Variants in POU6F2 observed in about 807,000 individuals in gnomAD.
POU6F2 encodes the protein POU class 6 homeobox 2, also known as POU domain, class 6, transcription factor 2.
A neutral mutation model predicts 71.3 loss-of-function variants in POU6F2; 31 were observed. The observed-to-expected ratio is 0.43, with a 90% CI of 0.33 to 0.59. POU6F2 has a LOEUF of 0.59. Ranked by LOEUF, POU6F2 falls within the 20% of genes least tolerant of loss-of-function variation. The probability of loss-of-function intolerance (pLI) is 0.04; values close to 1 mark genes in which losing one functional copy is unlikely to be tolerated. For missense variants in POU6F2, 783 were observed against 856.8 expected, an observed-to-expected ratio of 0.91 and a Z score of 1.07; for synonymous variants, 347 against 355.7, an observed-to-expected ratio of 0.98 and a Z score of 0.27.
intron 4 of POU6F2, among the ~76,000 whole-genome samples, chr7:39,246,512 G>A (rs1783823951): frequency 6.6e-6 from 1 of 152,156 alleles, no homozygotes; most frequent in South Asian, 2.1e-4. Context: ...TCTGGCATCA[G>A]GTGTCAACCC....
At chr7:39,427,450 A>G (rs1466096195) in intron 6 of POU6F2, among the ~76,000 whole-genome samples, 3 of 152,000 alleles carry the variant, frequency 2.0e-5, no homozygotes, top group African/African-American at 7.3e-5. Flanking sequence ...TGTTTTTATT[A>G]TTGTTATTGC....
At chr7:39,271,981 GT>G (rs1784348091) in intron 4 of POU6F2, among the ~76,000 whole-genome samples, 1 of 151,758 alleles carries the variant, frequency 6.6e-6, no homozygotes, top group Non-Finnish European at 1.5e-5. Context: ...AGGAGTTGGG[GT>G]GTGTGTGTGG....
intron 7 of POU6F2, 66 bp downstream of exon 7, chr7:39,433,349 G>A: frequency 6.4e-7 from 1 of 1,556,858 alleles, no homozygotes; most frequent in Admixed American, 1.7e-5. Context: ...CTCCTCTTTG[G>A]TCTCAATCAA....
At chr7:39,270,554 A>G (rs575511105) in intron 4 of POU6F2, among the ~76,000 whole-genome samples, 1 of 152,212 alleles carries the variant, frequency 6.6e-6, no homozygotes, top group Non-Finnish European at 1.5e-5. Flanking sequence ...TCTCCTGCAG[A>G]GTGGAAGGTA....
intron 4 of POU6F2, among the ~76,000 whole-genome samples, chr7:39,237,354 A>G (rs11771925): frequency 0.39 from 59,588 of 152,048 alleles, 12,708 homozygotes; most frequent in East Asian, 0.69. Context: ...ACTAGCACCC[A>G]TGTTTTATGT....
chr7:39,395,009 C>T (rs1456282792), intron 5 of POU6F2, among the ~76,000 whole-genome samples: 1 of 152,126 alleles, frequency 6.6e-6, no homozygotes, highest in African/African-American at 2.4e-5. Flanking sequence ...GCAGTTACCC[C>T]CAGCTGCACT....
At chr7:39,306,813 T>C (rs956761908) in intron 4 of POU6F2, among the ~76,000 whole-genome samples, 2 of 152,260 alleles carry the variant, frequency 1.3e-5, no homozygotes, top group African/African-American at 4.8e-5. Flanking sequence ...AATCCTTGGA[T>C]AGGAGACCTC....
intron 1 of POU6F2, among the ~76,000 whole-genome samples, chr7:38,983,581 G>A (rs1788382658): frequency 6.6e-6 from 1 of 152,016 alleles, no homozygotes; most frequent in East Asian, 1.9e-4. Context: ...TGAAGAAGCG[G>A]TTGCGAGTGA....
At chr7:39,388,522 G>A (rs1347928186) in intron 5 of POU6F2, among the ~76,000 whole-genome samples, 1 of 152,034 alleles carries the variant, frequency 6.6e-6, no homozygotes, top group Non-Finnish European at 1.5e-5. Flanking sequence ...CACCACGTTG[G>A]CCAGGCTGGT....
chr7:39,004,690 A>G (rs1250880631), intron 1 of POU6F2, among the ~76,000 whole-genome samples: 1 of 152,226 alleles, frequency 6.6e-6, no homozygotes, highest in Non-Finnish European at 1.5e-5. Context: ...TATTATTTAC[A>G]TGAATGATAC....
At chr7:39,338,979 C>T (rs1293083930) in intron 4 of POU6F2, among the ~76,000 whole-genome samples, 5 of 152,132 alleles carry the variant, frequency 3.3e-5, no homozygotes, top group Admixed American at 3.3e-4. Flanking sequence ...CTGCTATCAT[C>T]CCTCCAGTTT....
At chr7:39,213,308 A>G (rs1340355188) in intron 4 of POU6F2, among the ~76,000 whole-genome samples, 1 of 152,172 alleles carries the variant, frequency 6.6e-6, no homozygotes, top group Admixed American at 6.5e-5. Flanking sequence ...TCCCCAAATT[A>G]AAGCCTGTGG....
chr7:39,164,962 G>A (rs1249243453), intron 2 of POU6F2, among the ~76,000 whole-genome samples: 3 of 151,992 alleles, frequency 2.0e-5, no homozygotes, highest in Non-Finnish European at 2.9e-5. Flanking sequence ...ATTAATATTA[G>A]CATGGTGCCA....
At chr7:39,107,039 C>CTTTTTTTTTTTTTTTTTT (rs70977458) in intron 2 of POU6F2, among the ~76,000 whole-genome samples, 1 of 130,912 alleles carries the variant, frequency 7.6e-6, no homozygotes, top group Non-Finnish European at 1.6e-5. Flanking sequence ...TTCTTTCTTT[C>CTTTTTTTTTTTTTTTTTT]TTTTTTTTTT....
chr7:39,454,655 GATATATATATATATATATAT>G lies in POU6F2; in HGVS notation c.1489+3008_1489+3027del, dbSNP rs70977474. Reference sequence around the variant, plus strand: ...CCAGGAACCAAGGATGAAGACCAGGGATATATATATATATATATATATATATATATATATATATATATATA... The same window carrying G: ...CCAGGAACCAAGGATGAAGACCAGGGATATATATATATATATATATATATA... On this transcript the variant is annotated intron_variant, in intron 8 of 9. Transcript: ENST00000518318. 5.9e-3 allele frequency among the ~76,000 whole-genome samples: 372 copies of G among 63,246 alleles called. 26 individuals carry two copies. Among genetic ancestry groups the G allele is most frequent in the Non-Finnish European group, 9.0e-3 (258 of 28,720 alleles). 41.5% of individuals were successfully genotyped at this position (63,246 alleles called of 152,430 possible).
At chr7:39,038,968 TGCTTATG>T (rs1251683017) in intron 1 of POU6F2, among the ~76,000 whole-genome samples, 4 of 151,808 alleles carry the variant, frequency 2.6e-5, no homozygotes, top group Non-Finnish European at 5.9e-5. Context: ...AAGACAAAAC[TGCTTATG>T]AAGTGCTCTT....
intron 5 of POU6F2, among the ~76,000 whole-genome samples, chr7:39,394,002 C>T (rs182031160): frequency 1.3e-5 from 2 of 152,168 alleles, no homozygotes; most frequent in African/African-American, 4.8e-5. Flanking sequence ...AGAAAAGACA[C>T]AATATTCTGG....
chr7:39,106,736 C>T (rs1023485992), intron 2 of POU6F2, among the ~76,000 whole-genome samples: 8 of 152,130 alleles, frequency 5.3e-5, no homozygotes, highest in African/African-American at 1.9e-4. Context: ...TAGGTGTTCA[C>T]ATTTTAAGGC....
intron 4 of POU6F2, among the ~76,000 whole-genome samples, chr7:39,291,300 G>C (rs561107361): frequency 6.6e-6 from 1 of 152,264 alleles, no homozygotes; most frequent in East Asian, 1.9e-4. Flanking sequence ...GACCTGCTGA[G>C]GATGGCACAT....
Sources: allele counts gnomAD v4.1 joint callset (sites outside exome capture counted in the v4.1 genomes callset), GRCh38; gene constraint gnomAD v4.1.1; transcripts MANE v1.5; gene names NCBI Gene and HGNC (gene_info 2026-07-23, HGNC 2026-07-21).